FHIT: variants seen among roughly 807,000 people sequenced by gnomAD.
FHIT encodes the protein bis(5'-adenosyl)-triphosphatase.
Under a neutral mutation model 17.9 loss-of-function variants are expected in FHIT, and 19 were observed. The ratio of observed to expected loss-of-function variants is 1.06; its 90% CI spans 0.74 to 1.56. The LOEUF is 1.56. Ranked by LOEUF, FHIT falls within the 40% of genes most tolerant of loss-of-function variation. FHIT has a pLI of 0.00. For missense variants in FHIT, 248 were observed against 189.2 expected (o/e 1.31, Z -1.82); for synonymous variants, 81 against 69.7 (o/e 1.16, Z -0.81).
chr3:60,173,727 G>T (rs1397270297), intron 5 of FHIT, among the ~76,000 whole-genome samples: 3 of 151,242 alleles, frequency 2.0e-5, no homozygotes, highest in Non-Finnish European at 4.4e-5. Flanking sequence ...AGTTCTCAGT[G>T]GACTCTGTGG....
At chr3:59,788,624 C>T (rs1172749717) in intron 8 of FHIT, among the ~76,000 whole-genome samples, 1 of 152,130 alleles carries the variant, frequency 6.6e-6, no homozygotes, top group Non-Finnish European at 1.5e-5. Flanking sequence ...CCTATTTATT[C>T]AGTTGGATCA....
rs182625106 is a variant in FHIT at position 60,952,433 on chromosome 3, G to A, written c.-111+89614C>T. On this transcript the variant is annotated intron_variant, in intron 3 of 9. Transcript: ENST00000492590. ...AGAATAGTCCCTAGGAATCCATGGA[G>A]TTTCATTGAAATGGAGTTAGGGCTT... Among the ~76,000 whole-genome samples the A allele has an allele frequency of 1.8e-4, 27 of 152,270 alleles. No individual in the cohort carries two copies. The East Asian group carries it at 3.3e-3, about 19-fold the overall frequency.
chr3:60,577,150 T>G (rs1553657905), intron 4 of FHIT, among the ~76,000 whole-genome samples: 2 of 152,294 alleles, frequency 1.3e-5, no homozygotes, highest in East Asian at 1.9e-4. Context: ...CTTTTTGGTT[T>G]TAACCTATCA....
intron 8 of FHIT, among the ~76,000 whole-genome samples, chr3:59,836,546 T>C (rs1220255333): frequency 6.6e-6 from 1 of 152,194 alleles, no homozygotes; most frequent in Non-Finnish European, 1.5e-5. Flanking sequence ...GCCCTGCGGT[T>C]TGCCTTCTGC....
intron 5 of FHIT, among the ~76,000 whole-genome samples, chr3:60,260,913 T>G (rs1010111988): frequency 6.6e-6 from 1 of 152,006 alleles, no homozygotes; most frequent in Non-Finnish European, 1.5e-5. Context: ...ACCAGCGCCA[T>G]GACAGTTTAC....
chr3:60,969,036 T>G (rs570721890), intron 3 of FHIT, among the ~76,000 whole-genome samples: 12 of 152,170 alleles, frequency 7.9e-5, no homozygotes, highest in Non-Finnish European at 1.8e-4. Flanking sequence ...GGATTTATTT[T>G]CATTTAATAC....
chr3:60,049,527 CTGATT>C (rs1701789062), intron 5 of FHIT, among the ~76,000 whole-genome samples: 2 of 151,994 alleles, frequency 1.3e-5, no homozygotes, highest in Admixed American at 1.3e-4. Flanking sequence ...AATTTAGCCT[CTGATT>C]TAAGATGTAC....
At chr3:59,831,005 G>T (rs1283777647) in intron 8 of FHIT, among the ~76,000 whole-genome samples, 1 of 152,144 alleles carries the variant, frequency 6.6e-6, no homozygotes, top group African/African-American at 2.4e-5. Flanking sequence ...GCTTTGGGCT[G>T]TAGTTCTGTG....
At chr3:60,535,795 T>C (rs1448929377) in intron 5 of FHIT, 5 of 139,426 alleles carry the variant, frequency 3.6e-5, no homozygotes, top group Non-Finnish European at 7.7e-5. Context: ...TTGGTACATG[T>C]TTTTCTTATT....
At chr3:59,906,906 C>G (rs1322849359) in intron 8 of FHIT, among the ~76,000 whole-genome samples, 6 of 152,196 alleles carry the variant, frequency 3.9e-5, no homozygotes, top group Admixed American at 6.5e-5. Context: ...TAAAAGTCAG[C>G]TGCAGTGTCA....
chr3:60,314,008 G>A (rs1559811519), intron 5 of FHIT, among the ~76,000 whole-genome samples: 2 of 152,210 alleles, frequency 1.3e-5, no homozygotes, highest in African/African-American at 4.8e-5. Context: ...CAGATTTTGT[G>A]TGCACACATT....
chr3:60,348,126 G>A, intron 5 of FHIT, among the ~76,000 whole-genome samples: 1 of 15,892 alleles, frequency 6.3e-5, no homozygotes, highest in South Asian at 3.9e-3. Context: ...AGGGCAAAAA[G>A]TATACTGAAA....
chr3:60,281,141 C>T (rs1000158863), intron 5 of FHIT, among the ~76,000 whole-genome samples: 1 of 83,816 alleles, frequency 1.2e-5, no homozygotes, highest in East Asian at 7.6e-4. Flanking sequence ...AAAAATCTAA[C>T]AATATATGTA....
At chr3:60,812,350 G>C (rs1701596491) in intron 4 of FHIT, among the ~76,000 whole-genome samples, 1 of 151,796 alleles carries the variant, frequency 6.6e-6, no homozygotes, top group Non-Finnish European at 1.5e-5. Context: ...AGTAGAGATG[G>C]AGTTTCATCG....
chr3:60,148,938 G>C (rs1437902666), intron 5 of FHIT, among the ~76,000 whole-genome samples: 2 of 152,156 alleles, frequency 1.3e-5, no homozygotes, highest in African/African-American at 2.4e-5. Context: ...GTGCTTATTA[G>C]CTGCTGCTCT....
chr3:60,021,813 G>GTA (rs1341760353), intron 5 of FHIT, among the ~76,000 whole-genome samples: 5 of 152,148 alleles, frequency 3.3e-5, no homozygotes, highest in Non-Finnish European at 5.9e-5. Flanking sequence ...AAACCTCCAT[G>GTA]TATAATACCT....
At chr3:59,955,910 C>T (rs1337806948) in intron 7 of FHIT, among the ~76,000 whole-genome samples, 1 of 152,220 alleles carries the variant, frequency 6.6e-6, no homozygotes, top group Non-Finnish European at 1.5e-5. Context: ...TGCCCAGCAA[C>T]CGCCATGGTG....
chr3:60,845,524 T>C (rs1240150402), intron 3 of FHIT, among the ~76,000 whole-genome samples: 1 of 152,178 alleles, frequency 6.6e-6, no homozygotes. Context: ...AAAATAGTTT[T>C]CAAAATTCTT....
intron 8 of FHIT, among the ~76,000 whole-genome samples, chr3:59,867,112 T>C (rs1355661976): frequency 9.2e-6 from 1 of 109,212 alleles, no homozygotes; most frequent in Non-Finnish European, 1.9e-5. Context: ...GACTACAAAT[T>C]ATACCATCAA....
Sources: allele counts gnomAD v4.1 joint callset (sites outside exome capture counted in the v4.1 genomes callset), GRCh38; gene constraint gnomAD v4.1.1; transcripts MANE v1.5; gene names NCBI Gene and HGNC (gene_info 2026-07-23, HGNC 2026-07-21).